Variants in ENOX1 observed in about 807,000 individuals in gnomAD.
ENOX1 encodes candidate growth-related and time keeping constitutive hydroquinone (NADH) oxidase.
In ENOX1, 42 loss-of-function variants were observed where a neutral mutation model predicts 82.5. The observed-to-expected ratio is 0.51, with a 90% CI of 0.40 to 0.66. The LOEUF is 0.66. Among genes scored for constraint, ENOX1 ranks in the 30% least tolerant of loss-of-function variants. The pLI is 0.00. For synonymous variants in ENOX1, 271 were observed against 282.2 expected, an observed-to-expected ratio of 0.96 and a Z score of 0.40; for missense variants, 608 against 811.6, an observed-to-expected ratio of 0.75 and a Z score of 3.05.
chr13:43,551,653 A>G (rs2079200134), intron 2 of ENOX1, among the ~76,000 whole-genome samples: 1 of 152,202 alleles, frequency 6.6e-6, no homozygotes, highest in South Asian at 2.1e-4. Flanking sequence ...CTGAAAAGCA[A>G]AAGAACATTT....
chr13:43,644,665 A>G (rs2083812246), intron 2 of ENOX1, among the ~76,000 whole-genome samples: 1 of 152,256 alleles, frequency 6.6e-6, no homozygotes, highest in African/African-American at 2.4e-5. Flanking sequence ...TGTGGACTGC[A>G]TAACTATCCT....
At chr13:43,707,879 A>G (rs79192857) in intron 1 of ENOX1, among the ~76,000 whole-genome samples, 1 of 152,288 alleles carries the variant, frequency 6.6e-6, no homozygotes, top group African/African-American at 2.4e-5. Flanking sequence ...AGGAATTAAG[A>G]TATGTATGTG....
intron 2 of ENOX1, among the ~76,000 whole-genome samples, chr13:43,570,608 T>G (rs1423335271): frequency 1.3e-5 from 2 of 151,700 alleles, no homozygotes; most frequent in Non-Finnish European, 2.9e-5. Context: ...AAGAAAGGGG[T>G]GTGCAGGGCA....
chr13:43,776,581 A>G (rs1951931428), intron 1 of ENOX1, among the ~76,000 whole-genome samples: 1 of 152,240 alleles, frequency 6.6e-6, no homozygotes, highest in African/African-American at 2.4e-5. Context: ...AGGAAATTAA[A>G]TGCAGAGAAT....
chr13:43,702,158 C>T (rs1347282966), intron 1 of ENOX1, among the ~76,000 whole-genome samples: 1 of 152,186 alleles, frequency 6.6e-6, no homozygotes, highest in Non-Finnish European at 1.5e-5. Context: ...AGCCAAGTTG[C>T]TGCACGTATC....
At chr13:43,446,296 A>G (rs2153627446) in intron 3 of ENOX1, among the ~76,000 whole-genome samples, 1 of 152,180 alleles carries the variant, frequency 6.6e-6, no homozygotes, top group East Asian at 1.9e-4. Flanking sequence ...TGGAGTGACT[A>G]CAGCATGCCA....
At chr13:43,236,772 T>G (rs779345959) in intron 14 of ENOX1, 34 bp from the exon 15 acceptor site, 1 of 1,294,848 alleles carries the variant, frequency 7.7e-7, no homozygotes, top group Non-Finnish European at 1.1e-6. Flanking sequence ...CATATATGGG[T>G]TTATGTAGAT....
chr13:43,499,433 G>T (rs2076903454), intron 2 of ENOX1, among the ~76,000 whole-genome samples: 1 of 152,008 alleles, frequency 6.6e-6, no homozygotes, highest in South Asian at 2.1e-4. Context: ...AAAGACACAG[G>T]TTGCCAATAG....
intron 1 of ENOX1, among the ~76,000 whole-genome samples, chr13:43,709,316 T>C (rs2087530732): frequency 6.6e-6 from 1 of 152,058 alleles, no homozygotes; most frequent in Non-Finnish European, 1.5e-5. Context: ...TTTATGACCA[T>C]ACTATGTAGT....
intron 14 of ENOX1, among the ~76,000 whole-genome samples, chr13:43,256,908 C>T (rs542056821): frequency 6.6e-6 from 1 of 152,084 alleles, no homozygotes; most frequent in Non-Finnish European, 1.5e-5. Flanking sequence ...AACCTAGTGT[C>T]CATCGTCAGA....
At chr13:43,464,613 G>GA (rs957322358) in intron 3 of ENOX1, among the ~76,000 whole-genome samples, 2 of 152,052 alleles carry the variant, frequency 1.3e-5, no homozygotes, top group East Asian at 1.9e-4. Flanking sequence ...TAAATTTGCA[G>GA]AAAAAATTGC....
At chr13:43,392,686 A>G (rs907603611) in intron 5 of ENOX1, among the ~76,000 whole-genome samples, 1 of 151,966 alleles carries the variant, frequency 6.6e-6, no homozygotes, top group Non-Finnish European at 1.5e-5. Flanking sequence ...CAAGAGCTAA[A>G]CTCTGGAGGG....
intron 1 of ENOX1, among the ~76,000 whole-genome samples, chr13:43,736,526 G>C (rs2089639436): frequency 6.6e-6 from 1 of 152,184 alleles, no homozygotes; most frequent in Non-Finnish European, 1.5e-5. Flanking sequence ...CAAGCTGTCT[G>C]TCAAAATGGT....
intron 2 of ENOX1, among the ~76,000 whole-genome samples, chr13:43,646,963 T>C (rs2083922247): frequency 1.3e-5 from 2 of 152,212 alleles, no homozygotes; most frequent in Non-Finnish European, 2.9e-5. Context: ...CAGGCCCAGA[T>C]CTGGTAACCA....
At chr13:43,439,783 CGTGT>C (rs1566223446) in intron 3 of ENOX1, among the ~76,000 whole-genome samples, 9 of 152,078 alleles carry the variant, frequency 5.9e-5, no homozygotes, top group Non-Finnish European at 4.4e-5. Context: ...TGTTCACTAT[CGTGT>C]ATGTAAGCAC....
chr13:43,460,830 A>AAT (rs774044156), intron 3 of ENOX1, among the ~76,000 whole-genome samples: 1 of 20,182 alleles, frequency 5.0e-5, no homozygotes, highest in Non-Finnish European at 1.1e-4. Flanking sequence ...AAAAAAAAAA[A>AAT]TAGGGATAGC....
chr13:43,732,448 G>C lies in ENOX1; in HGVS notation c.-285+54204C>G, dbSNP rs548748892. On this transcript the variant is annotated intron_variant, in intron 1 of 16. Coordinates refer to ENST00000690772, the MANE Select transcript of ENOX1 (RefSeq NM_001347969.2). ...TATAAACAATGTGAGCACCTAGAAT[G>C]TGTTTCCATTCTCATACAATTCACT... 2.3e-3 allele frequency among the ~76,000 whole-genome samples: 355 copies of C among 152,288 alleles called. 1 individual carries two copies. Among genetic ancestry groups the C allele is most frequent in the Non-Finnish European group, 4.2e-3 (288 of 68,026 alleles).
At chr13:43,690,258 TAAAAA>T (rs5803202) in intron 1 of ENOX1, among the ~76,000 whole-genome samples, 1 of 139,444 alleles carries the variant, frequency 7.2e-6, no homozygotes, top group Non-Finnish European at 1.6e-5. Context: ...ATAAATAAGT[TAAAAA>T]AAAAAAAAAA....
intron 2 of ENOX1, among the ~76,000 whole-genome samples, chr13:43,588,850 G>T (rs2081111561): frequency 6.6e-6 from 1 of 152,164 alleles, no homozygotes; most frequent in African/African-American, 2.4e-5. Context: ...AAAACCAATG[G>T]AAGCGATTTA....
Sources: allele counts gnomAD v4.1 joint callset (sites outside exome capture counted in the v4.1 genomes callset), GRCh38; gene constraint gnomAD v4.1.1; transcripts MANE v1.5; gene names NCBI Gene and HGNC (gene_info 2026-07-23, HGNC 2026-07-21).